LYVE1: variants seen among roughly 807,000 people sequenced by gnomAD.
The protein encoded by LYVE1 is lymphatic vessel endothelial hyaluronic acid receptor 1.
A neutral mutation model predicts 31.5 loss-of-function variants in LYVE1; 29 were observed. That is an observed-to-expected ratio of 0.92 (90% CI 0.69 to 1.26). LYVE1 has a LOEUF of 1.26. Ranked by LOEUF, LYVE1 falls within the 50% of genes most tolerant of loss-of-function variation. The pLI is 0.00. For synonymous variants in LYVE1, 134 were observed against 139.4 expected (o/e 0.96, Z 0.27); for missense variants, 376 against 380.2 (o/e 0.99, Z 0.09).
rs1850360632 is a variant in LYVE1, at chr11:10,558,868, C to T, written c.*243G>A. On this transcript the variant is annotated 3_prime_UTR_variant, in exon 6 of 6. Coordinates refer to ENST00000256178, the MANE Select transcript of LYVE1 (RefSeq NM_006691.4). The stretch of plus-strand genomic sequence containing the variant: ...GGGATATTATTAGGACATAGCCAGG[C>T]TAGAAAGGCCGTGGGAAGCTTTGGA... 1 of 457,424 alleles carries T rather than the reference C, an allele frequency of 2.2e-6. No homozygotes were observed. The highest frequency in any genetic ancestry group is 2.0e-5 in the African/African-American group (1 of 50,590). 28.3% of individuals were successfully genotyped at this position (457,424 alleles called of 1,614,324 possible).
rs909835949 is a variant in LYVE1, at chr11:10,558,417, A to T, written c.*694T>A. 1.3e-5 allele frequency: 2 copies of T among 152,206 alleles called. No homozygotes were observed. Among genetic ancestry groups the T allele is most frequent in the Non-Finnish European group, 1.5e-5 (1 of 68,034 alleles). The allele number at this position is 152,206 out of a possible 1,614,324, so 9.4% of individuals were successfully genotyped here. A position where few individuals can be genotyped will look rare whatever the true frequency, so the allele number is the denominator to read the frequency against. On this transcript the variant is annotated 3_prime_UTR_variant, in exon 6 of 6. Coordinates refer to ENST00000256178, the MANE Select transcript of LYVE1 (RefSeq NM_006691.4). ...GCAGTGGTAGAGACCAGAAAAAGTAAGTGTGTGTGTTCTAAACAGTGATTC... is the reference window on the plus strand; with the variant it reads ...GCAGTGGTAGAGACCAGAAAAAGTATGTGTGTGTGTTCTAAACAGTGATTC...
chr11:10,562,961 T>TTTTTTTTTTTTG, intron 3 of LYVE1, among the ~76,000 whole-genome samples: 1 of 141,574 alleles, frequency 7.1e-6, no homozygotes, highest in Non-Finnish European at 1.5e-5. Context: ...TTTTTTTTTT[T>TTTTTTTTTTTTG]TTTTTTTTTT....
At chr11:10,565,464 T>C (rs1180975939) in intron 1 of LYVE1, among the ~76,000 whole-genome samples, 2 of 152,236 alleles carry the variant, frequency 1.3e-5, no homozygotes, top group Admixed American at 1.3e-4. Flanking sequence ...TTTAAATCTC[T>C]CAAGTAATTG....
In LYVE1 at chr11:10,566,090, G is replaced by A. The variant is rs573337293; in HGVS notation, c.86-1716C>T. Among the ~76,000 whole-genome samples the A allele has an allele frequency of 2.1e-3, 307 of 149,260 alleles. 2 individuals carry two copies. Among genetic ancestry groups the A allele is most frequent in the Non-Finnish European group, 2.5e-3 (168 of 67,194 alleles). ...TTCCCAAAGTGCTGGGATTACAGGC[G>A]TGAGCCACTGTGCCTGGCCCTTTTT... On this transcript the variant is annotated intron_variant, in intron 1 of 5. Transcript: ENST00000256178.
Position 10,560,641 on chromosome 11 carries a change from G to C in LYVE1, c.557C>G (p.Pro186Arg), listed in dbSNP as rs764175570. 1.9e-6 allele frequency: 3 copies of C among 1,613,934 alleles called. No individual in the cohort carries two copies. In the Admixed American group the frequency reaches 5.0e-5, roughly 27 times the overall value. ...STIPAPTTTP[P>R]APASTSIPRR... Reference sequence around the variant, plus strand: ...TGGAATAGAAGTGGAAGCTGGAGCAGGAGGAGTAGTAGTAGGGGCAGGTAT... The same window carrying C: ...TGGAATAGAAGTGGAAGCTGGAGCACGAGGAGTAGTAGTAGGGGCAGGTAT... The change falls in exon 4 of 6, where the codon CCT becomes CGT. Residue 186 changes from proline (P) to arginine (R), a missense_variant. Physicochemically the swap from Pro to Arg is moderately radical, Grantham distance 103. Coordinates refer to ENST00000256178, the MANE Select transcript of LYVE1 (RefSeq NM_006691.4).
rs1850494243 is a variant in LYVE1 at position 10,564,372 on chromosome 11, G to A, written c.88C>T (p.Leu30Phe). ...LVQGSLRAEE[L>F]SIQVSCRIMG... ...ATTCTGCATGACACCTGGATGGAAA[G>A]CTCTGCAAAGGAATCACATAGGTCC... The change falls in exon 2 of 6, where the codon CTT (leucine) becomes TTT (phenylalanine). Residue 30 changes from leucine (L) to phenylalanine (F), a missense_variant and splice_region_variant. By Grantham distance (22) the Leu-to-Phe change is conservative. Coordinates refer to ENST00000256178, the MANE Select transcript of LYVE1 (RefSeq NM_006691.4). 1 of 1,612,500 alleles carries A rather than the reference G, an allele frequency of 6.2e-7. No homozygotes were observed. Among genetic ancestry groups the A allele is most frequent in the African/African-American group, 1.3e-5 (1 of 74,906 alleles).
intron 1 of LYVE1, among the ~76,000 whole-genome samples, chr11:10,565,683 A>T (rs1385456691): frequency 6.6e-6 from 1 of 152,164 alleles, no homozygotes; most frequent in Non-Finnish European, 1.5e-5. Context: ...CTTCTTTCCC[A>T]AGAGATGGAT....
In LYVE1 at chr11:10,568,433, T is replaced by A; in HGVS notation, c.85+15A>T. The A allele has an allele frequency of 1.2e-6, 2 of 1,613,088 alleles. No individual in the cohort carries two copies. The highest frequency in any genetic ancestry group is 1.7e-6 in the Non-Finnish European group (2 of 1,179,382). The stretch of plus-strand genomic sequence containing the variant: ...GAAGCCTTGCTTCAGTTTGGAAATC[T>A]GGTGAGAAACCTACCTTCTGCACGC... On this transcript the variant is annotated intron_variant, in intron 1 of 5. Coordinates refer to ENST00000256178, the MANE Select transcript of LYVE1 (RefSeq NM_006691.4).
intron 3 of LYVE1, among the ~76,000 whole-genome samples, chr11:10,563,722 T>A (rs1850477682): frequency 6.6e-6 from 1 of 152,188 alleles, no homozygotes; most frequent in African/African-American, 2.4e-5. Flanking sequence ...CTCCTGAATG[T>A]CTTCTCGTGT....
chr11:10,565,289 G>C (rs760068733), intron 1 of LYVE1, among the ~76,000 whole-genome samples: 38 of 152,352 alleles, frequency 2.5e-4, no homozygotes, highest in Non-Finnish European at 4.9e-4. Context: ...GAATAGGTAA[G>C]ATATGAATAA....
chr11:10,566,421 T>A lies in LYVE1; in HGVS notation c.85+2027A>T, dbSNP rs115775676. Among the ~76,000 whole-genome samples the A allele has an allele frequency of 9.1e-3, 1,381 of 152,208 alleles. 25 individuals are homozygous for A. Among genetic ancestry groups the A allele is most frequent in the African/African-American group, 0.031 (1,298 of 41,520 alleles). ...CACCGTGCCCAACCCGGCCCCCAGT[T>A]CTTAACAATGACACTGTTTTACCTT... On this transcript the variant is annotated intron_variant, in intron 1 of 5. Transcript: ENST00000256178.
In LYVE1 at chr11:10,558,289, A is replaced by C. The variant is rs530505285; in HGVS notation, c.*822T>G. ...TTACTTTTTAAACAAATTACTGAGT[A>C]ATCTTCCTTAGTAATCATTTCTGTA... On this transcript the variant is annotated 3_prime_UTR_variant, in exon 6 of 6. Coordinates refer to ENST00000256178, the MANE Select transcript of LYVE1 (RefSeq NM_006691.4). The C allele has an allele frequency of 8.5e-5, 13 of 152,380 alleles. No individual in the cohort carries two copies. Among genetic ancestry groups the C allele is most frequent in the African/African-American group, 2.9e-4 (12 of 41,594 alleles). 9.4% of individuals were successfully genotyped at this position (152,380 alleles called of 1,614,324 possible). A position where few individuals can be genotyped will look rare whatever the true frequency, so the allele number is the denominator to read the frequency against.
chr11:10,568,209 A>G (rs944036917), intron 1 of LYVE1, among the ~76,000 whole-genome samples: 1 of 152,250 alleles, frequency 6.6e-6, no homozygotes, highest in Non-Finnish European at 1.5e-5. Context: ...TTATTTCAAA[A>G]TGTCCTCATT....
intron 1 of LYVE1, among the ~76,000 whole-genome samples, chr11:10,565,241 T>C (rs1850512162): frequency 1.3e-5 from 2 of 152,224 alleles, no homozygotes; most frequent in Admixed American, 1.3e-4. Flanking sequence ...GGTTTTGGTC[T>C]GCTAATGATT....
intron 2 of LYVE1, 51 bp downstream of exon 2, chr11:10,564,152 C>T (rs1564878872): frequency 6.2e-7 from 1 of 1,613,998 alleles, no homozygotes; most frequent in Non-Finnish European, 8.5e-7. Context: ...AACAAGAACA[C>T]AGAGCTAAAA....
intron 1 of LYVE1, among the ~76,000 whole-genome samples, chr11:10,564,647 CT>C (rs1241085216): frequency 6.6e-6 from 1 of 152,184 alleles, no homozygotes; most frequent in Non-Finnish European, 1.5e-5. Flanking sequence ...CATATAGGGG[CT>C]TTGGCTACCT....
intron 1 of LYVE1, among the ~76,000 whole-genome samples, chr11:10,566,606 GTTTA>G (rs1850548777): frequency 6.6e-6 from 1 of 152,186 alleles, no homozygotes; most frequent in East Asian, 1.9e-4. Context: ...GATTGCAGAG[GTTTA>G]TTTGTCACAT....
Position 10,568,479 on chromosome 11 carries a change from C to T in LYVE1, c.54G>A (p.Arg18=). 1 of 1,613,980 alleles carries T rather than the reference C, an allele frequency of 6.2e-7. No homozygotes were observed. The change falls in exon 1 of 6, where the codon AGG becomes AGA. Residue 18 remains arginine (R), a synonymous_variant. Transcript: ENST00000256178. ...VLLLTSIWTT[R]LLVQGSLRAE... ...CACGCAAAGAGCCTTGGACCAGGAG[C>T]CTCGTGGTCCAGATGGAAGTGAGAA...
At chr11:10,565,006 T>C (rs941676361) in intron 1 of LYVE1, among the ~76,000 whole-genome samples, 3 of 152,194 alleles carry the variant, frequency 2.0e-5, no homozygotes, top group African/African-American at 7.2e-5. Context: ...AGATCTAGCA[T>C]ATGTCATTTG....
Sources: allele counts gnomAD v4.1 joint callset (sites outside exome capture counted in the v4.1 genomes callset), GRCh38; gene constraint gnomAD v4.1.1; transcripts MANE v1.5; gene names NCBI Gene and HGNC (gene_info 2026-07-23, HGNC 2026-07-21).